SHF: variants seen among roughly 807,000 people sequenced by gnomAD.
SHF encodes SH2 domain-containing adapter protein F.
Under a neutral mutation model 42.4 loss-of-function variants are expected in SHF, and 30 were observed. The observed-to-expected ratio is 0.71, with a 90% CI of 0.53 to 0.96. The LOEUF is 0.96. Ranked by LOEUF, SHF falls within the 40% of genes least tolerant of loss-of-function variation. SHF has a pLI of 0.00. For synonymous variants in SHF, 264 were observed against 269.9 expected, an observed-to-expected ratio of 0.98 and a Z score of 0.21; for missense variants, 598 against 634.0, an observed-to-expected ratio of 0.94 and a Z score of 0.61.
In SHF at chr15:45,173,646, C is replaced by T; in HGVS notation, c.918G>A (p.Leu306=). Residue 306 remains leucine (L), a synonymous_variant, in exon 4 of 7, where the codon CTG becomes CTA. Transcript: ENST00000690270. ...CGGAGATGTCCCTGTCCCCATCAGGCAGGGAGGGGCTGCTGTCCAGCTGTC... is the reference window on the plus strand; with the variant it reads ...CGGAGATGTCCCTGTCCCCATCAGGTAGGGAGGGGCTGCTGTCCAGCTGTC... ...PVGQLDSSPS[L]PDGDRDISGP... is the part of the protein sequence containing the mutation. The T allele has an allele frequency of 1.9e-6, 3 of 1,551,480 alleles. No homozygotes were observed. The highest frequency in any genetic ancestry group is 2.6e-6 in the Non-Finnish European group (3 of 1,146,904).
intron 1 of SHF, chr15:45,199,717 A>T (rs1899003608): frequency 6.6e-6 from 1 of 152,126 alleles, no homozygotes; most frequent in Non-Finnish European, 1.5e-5. Flanking sequence ...TGGGGTGGGG[A>T]CTTACAAAGA....
chr15:45,189,209 G>GA (rs1203067350), upstream of SHF, among the ~76,000 whole-genome samples: 543 of 145,388 alleles, frequency 3.7e-3, no homozygotes, highest in African/African-American at 0.013. Flanking sequence ...AAAAAAAAAA[G>GA]AAAAAGAAAA....
chr15:45,196,900 CAA>C (rs71114317), intron 2 of SHF, among the ~76,000 whole-genome samples: 8 of 87,744 alleles, frequency 9.1e-5, no homozygotes, highest in Non-Finnish European at 6.6e-5. Context: ...GACTCCGTCT[CAA>C]AAAAAAAAAA....
chr15:45,189,953 T>C (rs1266911222), upstream of SHF, among the ~76,000 whole-genome samples: 1 of 152,182 alleles, frequency 6.6e-6, no homozygotes, highest in Non-Finnish European at 1.5e-5. Flanking sequence ...CGAGCTATGA[T>C]TGTGCCACTG....
chr15:45,188,073 G>A, upstream of SHF: 1 of 377,442 alleles, frequency 2.6e-6, no homozygotes, highest in Non-Finnish European at 4.2e-6. Context: ...ACAAGGGAGA[G>A]GCGGGGCTCC....
At chr15:45,184,331 G>A (rs1567037590) in intron 1 of SHF, among the ~76,000 whole-genome samples, 1 of 152,156 alleles carries the variant, frequency 6.6e-6, no homozygotes, top group Non-Finnish European at 1.5e-5. Flanking sequence ...CCCAAGTCCT[G>A]TGGATATCAT....
exon 1 of SHF, chr15:45,201,074 G>C (rs1360428573): frequency 5.8e-6 from 2 of 341,982 alleles, no homozygotes; most frequent in African/African-American, 4.3e-5. Flanking sequence ...TGGACGCTTA[G>C]GAAAGCTGGA....
upstream of SHF, among the ~76,000 whole-genome samples, chr15:45,188,784 G>A (rs1189323069): frequency 6.6e-6 from 1 of 152,216 alleles, no homozygotes; most frequent in African/African-American, 2.4e-5. Context: ...TAACAGAATG[G>A]AAACAGACAA....
At chr15:45,188,749 C>T (rs931160194), upstream of SHF, among the ~76,000 whole-genome samples, 14 of 152,218 alleles carry the variant, frequency 9.2e-5, no homozygotes, top group Admixed American at 9.2e-4. Context: ...AGCCACATCC[C>T]GGGCTTCATT....
chr15:45,187,821 C>A lies in SHF; in HGVS notation c.131G>T (p.Ser44Ile). 1 of 925,454 alleles carries A rather than the reference C, an allele frequency of 1.1e-6. No individual in the cohort carries two copies. Among genetic ancestry groups the A allele is most frequent in the South Asian group, 5.0e-5 (1 of 19,902 alleles). The allele number at this position is 925,454 out of a possible 1,614,324, so 57.3% of individuals were successfully genotyped here. The part of the protein sequence containing the change: ...GAGAGPGGGG[S>I]GGVAKWLREH... ...CCGGAGCCACTTGGCTACTCCGCCG[C>A]TGCCGCCCCCTCCTGGGCCGGCTCC... Residue 44 changes from serine to isoleucine, a missense_variant, in exon 1 of 7, where the codon AGC (serine) becomes ATC (isoleucine). Coordinates refer to ENST00000690270, the MANE Select transcript of SHF (RefSeq NM_001394037.1).
upstream of SHF, among the ~76,000 whole-genome samples, chr15:45,192,065 C>A (rs902212648): frequency 6.6e-6 from 1 of 151,692 alleles, no homozygotes; most frequent in African/African-American, 2.4e-5. Flanking sequence ...GTACAAGTTG[C>A]AAATATCATG....
Position 45,187,777 on chromosome 15 carries a change from C to A in SHF, c.175G>T (p.Gly59Trp). ...KWLREHLGFR[G>W]GGGGGGGSKP... ...CTGCCCCCTCCGCCGCCGCCCCCCC[C>A]GCGGAAGCCCAGGTGCTCCCGGAGC... The change falls in exon 1 of 7, where the codon GGG becomes TGG. Residue 59 changes from glycine to tryptophan, a missense_variant. Coordinates refer to ENST00000690270, the MANE Select transcript of SHF (RefSeq NM_001394037.1). The A allele has an allele frequency of 2.3e-6, 2 of 870,846 alleles. No individual in the cohort carries two copies. The highest frequency in any genetic ancestry group is 3.0e-6 in the Non-Finnish European group (2 of 668,134). The allele number at this position is 870,846 out of a possible 1,614,324, so 53.9% of individuals were successfully genotyped here. A position where few individuals can be genotyped will look rare whatever the true frequency, so the allele number is the denominator to read the frequency against.
upstream of SHF, among the ~76,000 whole-genome samples, chr15:45,189,882 C>G (rs1380311923): frequency 2.0e-5 from 3 of 152,114 alleles, no homozygotes; most frequent in Non-Finnish European, 2.9e-5. Flanking sequence ...TGCTTGTAGT[C>G]CCAGGTACCT....
At chr15:45,170,429 T>A in intron 6 of SHF, 1 of 1,288,510 alleles carries the variant, frequency 7.8e-7, no homozygotes, top group Non-Finnish European at 1.0e-6. Context: ...TGACAAAAAC[T>A]TTTCTGGGAA....
At chr15:45,186,455 C>T (rs933411493) in intron 1 of SHF, among the ~76,000 whole-genome samples, 2 of 152,320 alleles carry the variant, frequency 1.3e-5, no homozygotes, top group Non-Finnish European at 1.5e-5. Context: ...ACTGAGCTCT[C>T]GGGGTGAGTG....
rs1417591177 is a variant in SHF at position 45,187,479 on chromosome 15, G to C, written c.473C>G (p.Ser158Cys). Residue 158 changes from serine (S) to cysteine (C), a missense_variant, in exon 1 of 7, where the codon TCC becomes TGC. Around this residue, in one of 2 missense-constraint regions of SHF, gnomAD observed 439 missense variants for 524.6 expected, o/e 0.84. Transcript: ENST00000690270. The stretch of plus-strand genomic sequence containing the variant: ...CCTATCGCTGCTGGCGGGGGGTCCG[G>C]AGATCCGCTCATCAGCAGGCGGCGC... The part of the protein sequence containing the change: ...PPAPPADERI[S>C]GPPASSDRLA... 1.6e-6 allele frequency: 2 copies of C among 1,232,506 alleles called. No homozygotes were observed. The highest frequency in any genetic ancestry group is 2.0e-6 in the Non-Finnish European group (2 of 988,168). 76.3% of individuals were successfully genotyped at this position (1,232,506 alleles called of 1,614,324 possible). A position where few individuals can be genotyped will look rare whatever the true frequency, so the allele number is the denominator to read the frequency against.
chr15:45,172,306 C>A lies in SHF; in HGVS notation c.1001G>T (p.Gly334Val). 6.2e-7 allele frequency: 1 copy of A among 1,603,920 alleles called. No homozygotes were observed. Among genetic ancestry groups the A allele is most frequent in the African/African-American group, 1.3e-5 (1 of 74,898 alleles). Residue 334 changes from glycine to valine, a missense_variant, in exon 5 of 7, where the codon GGA becomes GTA. By Grantham distance (109) the Gly-to-Val change is moderately radical. This residue lies in a region of SHF where 439 missense variants were observed against 524.6 expected (regional missense o/e 0.84). Transcript: ENST00000690270. ...SLEDSSAQFEGPEKSCLSPGR... is the reference protein window; with the variant it reads ...SLEDSSAQFEVPEKSCLSPGR... ...AGGTGACAGGCAGCTCTTCTCCGGT[C>A]CTTCAAACTGGGCTGTGGGGAACAT... is the stretch of plus-strand genomic sequence containing the variant.
chr15:45,189,726 C>G (rs932903886), upstream of SHF, among the ~76,000 whole-genome samples: 1 of 146,450 alleles, frequency 6.8e-6, no homozygotes, highest in Non-Finnish European at 1.5e-5. Flanking sequence ...GCCAAGAGGC[C>G]CCAAAGGAAA....
chr15:45,198,194 A>C (rs1233651867), intron 2 of SHF, among the ~76,000 whole-genome samples: 4 of 152,114 alleles, frequency 2.6e-5, no homozygotes, highest in African/African-American at 9.7e-5. Flanking sequence ...TAATCGCTTG[A>C]ACCCGGGAGG....
Sources: allele counts gnomAD v4.1 joint callset (sites outside exome capture counted in the v4.1 genomes callset), GRCh38; gene constraint gnomAD v4.1.1; regional missense constraint gnomAD v4.1.1; transcripts MANE v1.5; gene names NCBI Gene and HGNC (gene_info 2026-07-23, HGNC 2026-07-21).